Variants in PTGDR2 observed in about 807,000 individuals in gnomAD.
PTGDR2 encodes G-protein coupled receptor 44.
For missense variants in PTGDR2, 544 were observed against 576.6 expected, an observed-to-expected ratio of 0.94 and a Z score of 0.58; for synonymous variants, 276 against 278.4, an observed-to-expected ratio of 0.99 and a Z score of 0.09.
chr11:60,855,299 G>A (rs530539), intron 1 of PTGDR2, among the ~76,000 whole-genome samples: 3 of 152,066 alleles, frequency 2.0e-5, no homozygotes, highest in Admixed American at 6.5e-5. Flanking sequence ...AGTACCACCC[G>A]CTGTCTGCCC....
Position 60,851,202 on chromosome 11 carries a change from C to G in PTGDR2, c.*1333G>C, listed in dbSNP as rs188516745. 11 of 152,426 alleles carry G rather than the reference C, an allele frequency of 7.2e-5. No individual in the cohort carries two copies. Among genetic ancestry groups the G allele is most frequent in the African/African-American group, 2.4e-4 (10 of 41,584 alleles). The allele number at this position is 152,426 out of a possible 1,614,324, so 9.4% of individuals were successfully genotyped here. A position where few individuals can be genotyped will look rare whatever the true frequency, so the allele number is the denominator to read the frequency against. ...TGGGCACCTCACTGTTCCCTTTGCT[C>G]AGCACCTGCTGTGGGCCAGGCCTTC... is the stretch of plus-strand genomic sequence containing the variant. On this transcript the variant is annotated 3_prime_UTR_variant, in exon 2 of 2. Transcript: ENST00000332539.
Position 60,853,025 on chromosome 11 carries a change from A to C in PTGDR2, c.698T>G (p.Leu233Trp). 6.5e-7 allele frequency: 1 copy of C among 1,528,136 alleles called. No homozygotes were observed. The highest frequency in any genetic ancestry group is 8.8e-7 in the Non-Finnish European group (1 of 1,139,176). 94.7% of individuals were successfully genotyped at this position (1,528,136 alleles called of 1,614,324 possible). The stretch of plus-strand genomic sequence containing the variant: ...TGGCCGCCGGCGGCCGCGGTGCTGC[A>C]ACCGCAGGCTCACGGCCGCGTGGCT... ...ASSHAAVSLRLQHRGRRRPGR... is the reference protein window; with the variant it reads ...ASSHAAVSLRWQHRGRRRPGR... Residue 233 changes from leucine to tryptophan, a missense_variant, in exon 2 of 2, where the codon TTG (leucine) becomes TGG (tryptophan). Transcript: ENST00000332539.
Position 60,853,057 on chromosome 11 carries a change from G to A in PTGDR2, c.666C>T (p.Ile222=). The A allele has an allele frequency of 6.3e-7, 1 of 1,579,064 alleles. No homozygotes were observed. Among genetic ancestry groups the A allele is most frequent in the Non-Finnish European group, 8.6e-7 (1 of 1,167,832 alleles). The change falls in exon 2 of 2, where the codon ATC becomes ATT. Residue 222 remains isoleucine, a synonymous_variant. Coordinates refer to ENST00000332539, the MANE Select transcript of PTGDR2 (RefSeq NM_004778.3). ...LLAFLVPLAI[I]ASSHAAVSLR... ...GGCTCACGGCCGCGTGGCTCGAGGCGATGATCGCCAGCGGCACCAGGAAGG... is the reference window on the plus strand; with the variant it reads ...GGCTCACGGCCGCGTGGCTCGAGGCAATGATCGCCAGCGGCACCAGGAAGG...
Position 60,852,181 on chromosome 11 carries a change from T to G in PTGDR2, c.*354A>C. On this transcript the variant is annotated 3_prime_UTR_variant, in exon 2 of 2. Transcript: ENST00000332539. ...CCACTGCCCTAGAGTGGGAAGTCTA[T>G]TATGAGTTTCACTTTGTGTTACTCC... 2 of 253,626 alleles carry G rather than the reference T, an allele frequency of 7.9e-6. No homozygotes were observed. Among genetic ancestry groups the G allele is most frequent in the Non-Finnish European group, 1.5e-5 (2 of 133,846 alleles). 15.7% of individuals were successfully genotyped at this position (253,626 alleles called of 1,614,324 possible).
Position 60,853,168 on chromosome 11 carries a change from A to G in PTGDR2, c.555T>C (p.Asn185=). Residue 185 remains asparagine, a synonymous_variant, in exon 2 of 2, where the codon AAT becomes AAC. Coordinates refer to ENST00000332539, the MANE Select transcript of PTGDR2 (RefSeq NM_004778.3). The part of the protein sequence containing the change: ...RLDGRIMCYY[N]VLLLNPGPDR... The stretch of plus-strand genomic sequence containing the variant: ...CAGGCCCCGGGTTCAGGAGCAGCAC[A>G]TTGTAGTAGCACATAATGCGCCCGT... 7 of 1,609,748 alleles carry G rather than the reference A, an allele frequency of 4.3e-6. No individual in the cohort carries two copies. Among genetic ancestry groups the G allele is most frequent in the Non-Finnish European group, 5.9e-6 (7 of 1,179,846 alleles).
chr11:60,852,198 T>A lies in PTGDR2; in HGVS notation c.*337A>T. On this transcript the variant is annotated 3_prime_UTR_variant, in exon 2 of 2. Transcript: ENST00000332539. ...GAAGTCTATTATGAGTTTCACTTTG[T>A]GTTACTCCAGGCCTCGCCTGTGAAC... 1 of 289,702 alleles carries A rather than the reference T, an allele frequency of 3.5e-6. No homozygotes were observed. The highest frequency in any genetic ancestry group is 6.4e-6 in the Non-Finnish European group (1 of 156,756). 17.9% of individuals were successfully genotyped at this position (289,702 alleles called of 1,614,324 possible). A position where few individuals can be genotyped will look rare whatever the true frequency, so the allele number is the denominator to read the frequency against.
At position 60,853,141 on chromosome 11, in the gene PTGDR2, G is replaced by T. The variant is rs1233928252; in HGVS notation, c.582C>A (p.Asp194Glu). ...YNVLLLNPGP[D>E]RDATCNSRQV... is the part of the protein sequence containing the mutation. ...GCCGCGAGTTGCACGTGGCATCGCG[G>T]TCAGGCCCCGGGTTCAGGAGCAGCA... The change falls in exon 2 of 2, where the codon GAC (aspartate) becomes GAA (glutamate). Residue 194 changes from aspartate (D) to glutamate (E), a missense_variant. Physicochemically the swap from Asp to Glu is conservative, Grantham distance 45. Coordinates refer to ENST00000332539, the MANE Select transcript of PTGDR2 (RefSeq NM_004778.3). 2.5e-6 allele frequency: 4 copies of T among 1,607,912 alleles called. No individual in the cohort carries two copies. In the East Asian group the frequency reaches 8.9e-5, roughly 36 times the overall value.
chr11:60,854,507 A>C (rs962493529), intron 1 of PTGDR2, among the ~76,000 whole-genome samples: 1 of 152,062 alleles, frequency 6.6e-6, no homozygotes, highest in Non-Finnish European at 1.5e-5. Flanking sequence ...TCATTCACTT[A>C]CTCCATCATG....
At position 60,852,912 on chromosome 11, in the gene PTGDR2, G is replaced by C. The variant is rs1443303307; in HGVS notation, c.811C>G (p.Arg271Gly). 2 of 1,512,774 alleles carry C rather than the reference G, an allele frequency of 1.3e-6. No homozygotes were observed. Among genetic ancestry groups the C allele is most frequent in the South Asian group, 2.5e-5 (2 of 80,680 alleles). 93.7% of individuals were successfully genotyped at this position (1,512,774 alleles called of 1,614,324 possible). Residue 271 changes from arginine (R) to glycine (G), a missense_variant, in exon 2 of 2, where the codon CGG becomes GGG. By Grantham distance (125) the Arg-to-Gly change is moderately radical. Transcript: ENST00000332539. ...CGCAGCCCCGGGTTTGCGTGCGCCCGCGCCTCCAGCAGGCTGAACACGTGG... is the reference window on the plus strand; with the variant it reads ...CGCAGCCCCGGGTTTGCGTGCGCCCCCGCCTCCAGCAGGCTGAACACGTGG... ...PYHVFSLLEARAHANPGLRPL... is the reference protein window; with the variant it reads ...PYHVFSLLEAGAHANPGLRPL...
chr11:60,853,011 G>T lies in PTGDR2; in HGVS notation c.712C>A (p.Arg238Ser), dbSNP rs1214175493. The change falls in exon 2 of 2, where the codon CGC becomes AGC. Residue 238 changes from arginine to serine, a missense_variant. Coordinates refer to ENST00000332539, the MANE Select transcript of PTGDR2 (RefSeq NM_004778.3). ...CGCACGAAGCGGCCTGGCCGCCGGC[G>T]GCCGCGGTGCTGCAACCGCAGGCTC... ...AVSLRLQHRG[R>S]RRPGRFVRLV... is the part of the protein sequence containing the mutation. 3 of 1,460,010 alleles carry T rather than the reference G, an allele frequency of 2.1e-6. No homozygotes were observed. The highest frequency in any genetic ancestry group is 1.5e-5 in the African/African-American group (1 of 68,166). The allele number at this position is 1,460,010 out of a possible 1,614,324, so 90.4% of individuals were successfully genotyped here. A position where few individuals can be genotyped will look rare whatever the true frequency, so the allele number is the denominator to read the frequency against.
Position 60,852,729 on chromosome 11 carries a change from C to G in PTGDR2, c.994G>C (p.Glu332Gln), listed in dbSNP as rs773277258. The G allele has an allele frequency of 9.5e-6, 14 of 1,480,872 alleles. No individual in the cohort carries two copies. The South Asian group carries it at 1.7e-4, about 18-fold the overall frequency. 91.7% of individuals were successfully genotyped at this position (1,480,872 alleles called of 1,614,324 possible). ...CGGCTGCTTCCCGCGCCACCCAGCT[C>G]GCTGTCGTCCACCAGCACGCTCTCC... The part of the protein sequence containing the change: ...VLESVLVDDS[E>Q]LGGAGSSRRR... The change falls in exon 2 of 2, where the codon GAG becomes CAG. Residue 332 changes from glutamate (E) to glutamine (Q), a missense_variant. By Grantham distance (29) the Glu-to-Gln change is conservative. Coordinates refer to ENST00000332539, the MANE Select transcript of PTGDR2 (RefSeq NM_004778.3).
At position 60,853,345 on chromosome 11, in the gene PTGDR2, G is replaced by A. The variant is rs1239802069; in HGVS notation, c.378C>T (p.Ser126=). ...GCACCACCTGCAGGCAGCGGTCCAG[G>A]CTGATGGCGCTGAGCAGGAAGCCGC... ...FASGFLLSAI[S]LDRCLQVVRP... The change falls in exon 2 of 2, where the codon AGC becomes AGT. Residue 126 remains serine (S), a synonymous_variant. Transcript: ENST00000332539. The A allele has an allele frequency of 6.2e-7, 1 of 1,608,606 alleles. No individual in the cohort carries two copies.
At position 60,852,966 on chromosome 11, in the gene PTGDR2, C is replaced by A; in HGVS notation, c.757G>T (p.Ala253Ser). ...RFVRLVAAVVAAFALCWGPYH... is the reference protein window; with the variant it reads ...RFVRLVAAVVSAFALCWGPYH... ...GGCCCCCAGCAGAGCGCGAAGGCGG[C>A]CACGACGGCCGCCACCAGGCGCACG... Residue 253 changes from alanine (A) to serine (S), a missense_variant, in exon 2 of 2, where the codon GCC becomes TCC. Transcript: ENST00000332539. 7.2e-7 allele frequency: 1 copy of A among 1,395,268 alleles called. No individual in the cohort carries two copies. Among genetic ancestry groups the A allele is most frequent in the Non-Finnish European group, 9.3e-7 (1 of 1,074,866 alleles). 86.4% of individuals were successfully genotyped at this position (1,395,268 alleles called of 1,614,324 possible). A position where few individuals can be genotyped will look rare whatever the true frequency, so the allele number is the denominator to read the frequency against.
rs974931539 is a variant in PTGDR2 at position 60,853,637 on chromosome 11, C to G, written c.86G>C (p.Arg29Pro). Residue 29 changes from arginine (R) to proline (P), a missense_variant, in exon 2 of 2, where the codon CGC (arginine) becomes CCC (proline). Arg to Pro is a moderately radical substitution (Grantham distance 103). Coordinates refer to ENST00000332539, the MANE Select transcript of PTGDR2 (RefSeq NM_004778.3). The stretch of plus-strand genomic sequence containing the variant: ...CAGCACGGCCGCGTGGTCGATGTAG[C>G]GGATGCTGGTGTTGCTGTGGCTCTG... ...RLQSHSNTSI[R>P]YIDHAAVLLH... is the part of the protein sequence containing the mutation. 4 of 1,557,384 alleles carry G rather than the reference C, an allele frequency of 2.6e-6. No individual in the cohort carries two copies. The African/African-American group carries it at 5.4e-5, about 21-fold the overall frequency.
chr11:60,853,014 C>T lies in PTGDR2; in HGVS notation c.709G>A (p.Gly237Ser), dbSNP rs1276617126. 1.4e-6 allele frequency: 2 copies of T among 1,480,472 alleles called. No individual in the cohort carries two copies. Among genetic ancestry groups the T allele is most frequent in the South Asian group, 2.7e-5 (2 of 74,554 alleles). The allele number at this position is 1,480,472 out of a possible 1,614,324, so 91.7% of individuals were successfully genotyped here. Reference sequence around the variant, plus strand: ...ACGAAGCGGCCTGGCCGCCGGCGGCCGCGGTGCTGCAACCGCAGGCTCACG... The same window carrying T: ...ACGAAGCGGCCTGGCCGCCGGCGGCTGCGGTGCTGCAACCGCAGGCTCACG... ...AAVSLRLQHRGRRRPGRFVRL... is the reference protein window; with the variant it reads ...AAVSLRLQHRSRRRPGRFVRL... Residue 237 changes from glycine (G) to serine (S), a missense_variant, in exon 2 of 2, where the codon GGC becomes AGC. By Grantham distance (56) the Gly-to-Ser change is moderately conservative (BLOSUM62 0). Transcript: ENST00000332539.
In PTGDR2 at chr11:60,853,099, GAC is replaced by G; in HGVS notation, c.622_623del (p.Val208GlnfsTer218). ...CCAGGAAGGCCAGCAGGAACTTGCT[GAC>G]GGCCAGGGCCACCTGCCGCGAGTTG... ...TCNSRQVALA[V>X]SKFLLAFLVP... On this transcript the variant is annotated frameshift_variant, in exon 2 of 2. Transcript: ENST00000332539. LOFTEE classifies it low-confidence loss of function (END_TRUNC). 2 of 1,601,728 alleles carry G rather than the reference GAC, an allele frequency of 1.2e-6. No individual in the cohort carries two copies. Among genetic ancestry groups the G allele is most frequent in the Non-Finnish European group, 1.7e-6 (2 of 1,177,880 alleles).
At chr11:60,854,314 C>T (rs973893992) in intron 1 of PTGDR2, among the ~76,000 whole-genome samples, 2 of 152,156 alleles carry the variant, frequency 1.3e-5, no homozygotes, top group Admixed American at 6.5e-5. Context: ...TTAGATGTGC[C>T]GACCATAAAC....
chr11:60,853,605 C>G lies in PTGDR2; in HGVS notation c.118G>C (p.Gly40Arg), dbSNP rs1214002175. 3 of 1,556,316 alleles carry G rather than the reference C, an allele frequency of 1.9e-6. No homozygotes were observed. In the East Asian group the frequency reaches 7.3e-5, roughly 38 times the overall value. The change falls in exon 2 of 2, where the codon GGG becomes CGG. Residue 40 changes from glycine (G) to arginine (R), a missense_variant. By Grantham distance (125) the Gly-to-Arg change is moderately radical. Coordinates refer to ENST00000332539, the MANE Select transcript of PTGDR2 (RefSeq NM_004778.3). ...ACCAGGCCCAGCAGCGAGGCCAGCC[C>G]GTGCAGCAGCACGGCCGCGTGGTCG... ...YIDHAAVLLH[G>R]LASLLGLVEN... is the part of the protein sequence containing the mutation.
At chr11:60,854,185 G>A (rs1855325404) in intron 1 of PTGDR2, among the ~76,000 whole-genome samples, 1 of 152,196 alleles carries the variant, frequency 6.6e-6, no homozygotes, top group Admixed American at 6.5e-5. Flanking sequence ...ATTAGGGCAA[G>A]AGGATTCTGC....
Sources: allele counts gnomAD v4.1 joint callset (sites outside exome capture counted in the v4.1 genomes callset), GRCh38; gene constraint gnomAD v4.1.1; transcripts MANE v1.5; gene names NCBI Gene and HGNC (gene_info 2026-07-23, HGNC 2026-07-21).